Variants in PPP3CA observed in about 807,000 individuals in gnomAD.
The protein encoded by PPP3CA is protein phosphatase 3 catalytic subunit alpha.
A neutral mutation model predicts 66.5 loss-of-function variants in PPP3CA; 14 were observed. The observed-to-expected ratio is 0.21, with a 90% CI of 0.14 to 0.33. The LOEUF (loss-of-function observed/expected upper bound fraction) is 0.33, where lower values mean the gene tolerates loss of function less well. Ranked by LOEUF, PPP3CA falls within the 10% of genes least tolerant of loss-of-function variation. The pLI is 1.00. For synonymous variants in PPP3CA, 232 were observed against 226.2 expected, an observed-to-expected ratio of 1.03 and a Z score of -0.23; for missense variants, 317 against 639.5, an observed-to-expected ratio of 0.50 and a Z score of 5.44.
chr4:101,308,262 A>T (rs1728608554), intron 1 of PPP3CA, among the ~76,000 whole-genome samples: 2 of 152,226 alleles, frequency 1.3e-5, no homozygotes, highest in African/African-American at 4.8e-5. Flanking sequence ...ATTTTAAAAA[A>T]TTATTTTCTT....
intron 1 of PPP3CA, among the ~76,000 whole-genome samples, chr4:101,327,907 A>G (rs1229489017): frequency 4.6e-5 from 7 of 152,184 alleles, no homozygotes; most frequent in Non-Finnish European, 1.0e-4. Flanking sequence ...TTTCATCTAC[A>G]TGGTACTGGA....
chr4:101,122,653 C>G (rs918671479), intron 2 of PPP3CA, among the ~76,000 whole-genome samples: 1 of 151,958 alleles, frequency 6.6e-6, no homozygotes, highest in Admixed American at 6.6e-5. Context: ...GCAAATGAAT[C>G]AAAATAAGTG....
intron 2 of PPP3CA, among the ~76,000 whole-genome samples, chr4:101,157,111 C>CAGCA (rs1395667985): frequency 6.6e-6 from 1 of 152,142 alleles, no homozygotes; most frequent in Non-Finnish European, 1.5e-5. Context: ...ATTCACTAGC[C>CAGCA]AGCACTATGC....
At chr4:101,283,826 C>G (rs774472673) in intron 1 of PPP3CA, among the ~76,000 whole-genome samples, 1 of 150,422 alleles carries the variant, frequency 6.6e-6, no homozygotes, top group Admixed American at 6.6e-5. Flanking sequence ...GAAGAACACA[C>G]CACTACTGCT....
intron 1 of PPP3CA, among the ~76,000 whole-genome samples, chr4:101,327,679 T>G (rs1031033): frequency 0.3 from 45,225 of 149,098 alleles, 7,219 homozygotes; most frequent in East Asian, 0.5. Flanking sequence ...ATATGTATTA[T>G]AAATGTTGGG....
chr4:101,293,741 GC>G (rs1453732257), intron 1 of PPP3CA, among the ~76,000 whole-genome samples: 2 of 152,222 alleles, frequency 1.3e-5, no homozygotes, highest in Non-Finnish European at 2.9e-5. Flanking sequence ...GTGAACTTGG[GC>G]AAGTCACTTC....
At chr4:101,208,634 A>C (rs1725212153) in intron 1 of PPP3CA, among the ~76,000 whole-genome samples, 1 of 152,248 alleles carries the variant, frequency 6.6e-6, no homozygotes, top group Non-Finnish European at 1.5e-5. Flanking sequence ...GTTACAAAGA[A>C]AGAGAAAGGT....
chr4:101,098,302 T>C (rs1219599983), intron 5 of PPP3CA, 65 bp downstream of exon 5: 1 of 1,456,130 alleles, frequency 6.9e-7, no homozygotes, highest in African/African-American at 1.5e-5. Flanking sequence ...GGCAGGGTAA[T>C]TAATGTCTTC....
At chr4:101,325,819 G>A (rs978059080) in intron 1 of PPP3CA, among the ~76,000 whole-genome samples, 15 of 152,108 alleles carry the variant, frequency 9.9e-5, no homozygotes, top group African/African-American at 3.6e-4. Context: ...TAAAATGTGC[G>A]CATTCATTAA....
intron 4 of PPP3CA, 45 bp from the exon 5 acceptor site, chr4:101,098,557 T>A: frequency 6.5e-7 from 1 of 1,527,912 alleles, no homozygotes; most frequent in Non-Finnish European, 8.8e-7. Context: ...ATAGGCAGGA[T>A]CATTTCACTG....
intron 12 of PPP3CA, among the ~76,000 whole-genome samples, chr4:101,029,463 ATAAC>A (rs1726839061): frequency 6.6e-6 from 1 of 152,106 alleles, no homozygotes; most frequent in Admixed American, 6.5e-5. Context: ...CACTAAATAA[ATAAC>A]AAACAACCCT....
intron 9 of PPP3CA, among the ~76,000 whole-genome samples, chr4:101,062,787 C>T (rs1278628163): frequency 6.6e-6 from 1 of 151,970 alleles, no homozygotes; most frequent in Non-Finnish European, 1.5e-5. Context: ...CCATTAAGCA[C>T]TATCGTACAA....
chr4:101,046,828 G>A (rs1182462517), intron 10 of PPP3CA, among the ~76,000 whole-genome samples: 1 of 152,106 alleles, frequency 6.6e-6, no homozygotes, highest in Non-Finnish European at 1.5e-5. Context: ...ATAAGGTATT[G>A]AGATAATTAG....
intron 1 of PPP3CA, among the ~76,000 whole-genome samples, chr4:101,254,251 A>G (rs1486758776): frequency 1.3e-5 from 2 of 152,038 alleles, no homozygotes; most frequent in African/African-American, 2.4e-5. Flanking sequence ...TGATCTCTGC[A>G]TTCAGCAAGA....
rs568732619 is a variant in PPP3CA, at chr4:101,032,381, G to A, written c.1242-17C>T. Reference sequence around the variant, plus strand: ...CTCTCTTCTCTGGAAGGCACAATGAGGGGCGACATTAACTTTTAATTTCTT... The same window carrying A: ...CTCTCTTCTCTGGAAGGCACAATGAAGGGCGACATTAACTTTTAATTTCTT... On this transcript the variant is annotated splice_polypyrimidine_tract_variant and intron_variant, in intron 11 of 13. Coordinates refer to ENST00000394854, the MANE Select transcript of PPP3CA (RefSeq NM_000944.5). The A allele has an allele frequency of 6.3e-7, 1 of 1,592,540 alleles. No homozygotes were observed. The highest frequency in any genetic ancestry group is 1.3e-5 in the African/African-American group (1 of 74,452).
chr4:101,063,686 A>C (rs902415138), intron 8 of PPP3CA, among the ~76,000 whole-genome samples: 1 of 151,964 alleles, frequency 6.6e-6, no homozygotes, highest in Non-Finnish European at 1.5e-5. Flanking sequence ...TTGATATCTG[A>C]TGACACTAAT....
At chr4:101,211,277 A>G (rs781220868) in intron 1 of PPP3CA, among the ~76,000 whole-genome samples, 10 of 152,166 alleles carry the variant, frequency 6.6e-5, no homozygotes, top group Non-Finnish European at 5.9e-5. Context: ...TAAGGGAAGA[A>G]CCCAAAGTAC....
chr4:101,340,758 C>T (rs965879268), intron 1 of PPP3CA, among the ~76,000 whole-genome samples: 3 of 152,092 alleles, frequency 2.0e-5, no homozygotes, highest in East Asian at 1.9e-4. Flanking sequence ...GAATGCAACA[C>T]CTCAGAATCA....
At chr4:101,098,550 G>A in intron 4 of PPP3CA, 38 bp from the exon 5 acceptor site, 1 of 1,538,624 alleles carries the variant, frequency 6.5e-7, no homozygotes. Flanking sequence ...ATGATTTATA[G>A]GCAGGATCAT....
Sources: gnomAD v4.1 joint callset for allele counts (sites outside exome capture counted in the v4.1 genomes callset) on GRCh38, gnomAD v4.1.1 for gene constraint, MANE v1.5 for transcripts, NCBI Gene and HGNC (gene_info 2026-07-23, HGNC 2026-07-21) for gene names.